CCDC126: variants seen among roughly 807,000 people sequenced by gnomAD.
CCDC126 encodes the protein coiled-coil domain-containing protein 126.
In CCDC126, 5 loss-of-function variants were observed where a neutral mutation model predicts 11.7. That is an observed-to-expected ratio of 0.43 (90% confidence interval 0.22 to 0.90). CCDC126 has a LOEUF of 0.90. Among genes scored for constraint, CCDC126 ranks in the 40% least tolerant of loss-of-function variants. The pLI, the probability that CCDC126 is intolerant of heterozygous loss-of-function variation, is 0.27. For synonymous variants in CCDC126, 60 were observed against 61.9 expected (o/e 0.97, Z 0.14); for missense variants, 150 against 163.1 (o/e 0.92, Z 0.44).
At chr7:23,636,478 A>C in intron 3 of CCDC126, among the ~76,000 whole-genome samples, 8 of 114,088 alleles carry the variant, frequency 7.0e-5, no homozygotes, top group South Asian at 6.2e-4. Context: ...CCGGCCGCCC[A>C]TCGTCTGAGA....
At chr7:23,635,139 G>T (rs1783186882) in intron 3 of CCDC126, among the ~76,000 whole-genome samples, 1 of 152,168 alleles carries the variant, frequency 6.6e-6, no homozygotes, top group South Asian at 2.1e-4. Flanking sequence ...CCTTAAAGTG[G>T]TTTATTTTCT....
rs1397529340 is a variant in CCDC126 at position 23,612,496 on chromosome 7, A to AC, written c.238+943_238+944insC. ...TCTCAAAAAAAAAAAAAAAAAAAAA[A>AC]AAAAACAAAGAAAAAAGAAAAAAAA... On this transcript the variant is annotated intron_variant, in intron 3 of 3. Coordinates refer to ENST00000307471, the MANE Select transcript of CCDC126 (RefSeq NM_138771.4). Among the ~76,000 whole-genome samples the AC allele has an allele frequency of 8.6e-5, 12 of 139,032 alleles. No individual in the cohort carries two copies. The South Asian group carries it at 8.8e-4, about 10-fold the overall frequency. 91.2% of individuals were successfully genotyped at this position (139,032 alleles called of 152,430 possible). A position where few individuals can be genotyped will look rare whatever the true frequency, so the allele number is the denominator to read the frequency against.
chr7:23,640,042 GTGTGGTGGTGCATGCT>G (rs923061344), intron 3 of CCDC126, among the ~76,000 whole-genome samples: 12 of 151,868 alleles, frequency 7.9e-5, no homozygotes, highest in African/African-American at 2.9e-4. Context: ...AATTAGCTGG[GTGTGGTGGTGCATGCT>G]TGTAATCCCA....
At chr7:23,600,859 T>C (rs188868076) in intron 2 of CCDC126, among the ~76,000 whole-genome samples, 1 of 152,214 alleles carries the variant, frequency 6.6e-6, no homozygotes, top group Admixed American at 6.5e-5. Flanking sequence ...GAGTGTGAAA[T>C]GCAGTATTTT....
chr7:23,627,580 AAAG>A (rs1406692531), intron 3 of CCDC126, among the ~76,000 whole-genome samples: 43 of 151,768 alleles, frequency 2.8e-4, no homozygotes, highest in African/African-American at 1.0e-3. Flanking sequence ...AAAAAAAAAA[AAAG>A]AAAGACTGTA....
intron 3 of CCDC126, 107 bp downstream of exon 3, chr7:23,611,660 T>C: frequency 2.7e-6 from 2 of 746,216 alleles, no homozygotes; most frequent in East Asian, 2.5e-5. Flanking sequence ...AGTAATTTTT[T>C]CTTGACTTTT....
intron 3 of CCDC126, among the ~76,000 whole-genome samples, chr7:23,642,414 C>G (rs73077168): frequency 0.094 from 14,367 of 152,080 alleles, 813 homozygotes; most frequent in East Asian, 0.15. Flanking sequence ...GAGAGTTTCC[C>G]CCACATTTAC....
At chr7:23,608,159 CCT>C (rs1217925960) in intron 2 of CCDC126, among the ~76,000 whole-genome samples, 1 of 152,136 alleles carries the variant, frequency 6.6e-6, no homozygotes, top group Non-Finnish European at 1.5e-5. Context: ...AGTTTTCAGC[CCT>C]CTGATGTCAA....
chr7:23,600,321 T>C (rs1782515404), intron 2 of CCDC126, among the ~76,000 whole-genome samples: 1 of 150,924 alleles, frequency 6.6e-6, no homozygotes, highest in African/African-American at 2.4e-5. Context: ...CTCAAGGCAG[T>C]GCATTTTAAA....
At chr7:23,626,801 C>G (rs563987737) in intron 3 of CCDC126, among the ~76,000 whole-genome samples, 1 of 152,196 alleles carries the variant, frequency 6.6e-6, no homozygotes, top group Non-Finnish European at 1.5e-5. Context: ...TTTAAAAATG[C>G]TAGTCTATAA....
chr7:23,641,814 G>A (rs1284233499), intron 3 of CCDC126, among the ~76,000 whole-genome samples: 3 of 152,196 alleles, frequency 2.0e-5, no homozygotes, highest in African/African-American at 7.2e-5. Context: ...TTAGAAGATA[G>A]TCTTCCCCAC....
intron 3 of CCDC126, among the ~76,000 whole-genome samples, chr7:23,640,191 T>A (rs192826201): frequency 7.0e-4 from 96 of 136,578 alleles, no homozygotes; most frequent in African/African-American, 2.2e-3. Context: ...TCAAAAAAAA[T>A]AATAATAATA....
At chr7:23,598,932 C>G (rs543891785) in intron 2 of CCDC126, among the ~76,000 whole-genome samples, 27 of 152,254 alleles carry the variant, frequency 1.8e-4, no homozygotes, top group African/African-American at 6.0e-4. Context: ...CTAGCTCAGA[C>G]TTTCAATGAT....
At chr7:23,630,131 T>G (rs941117855) in intron 3 of CCDC126, among the ~76,000 whole-genome samples, 1 of 152,254 alleles carries the variant, frequency 6.6e-6, no homozygotes, top group Non-Finnish European at 1.5e-5. Context: ...TATTGACATA[T>G]GCAGAATGCT....
At position 23,606,809 on chromosome 7, in the gene CCDC126, T is replaced by C. The variant is rs116773468; in HGVS notation, c.-145-4362T>C. Among the ~76,000 whole-genome samples the C allele has an allele frequency of 1.3e-3, 202 of 152,180 alleles. 1 individual carries two copies. The highest frequency in any genetic ancestry group is 4.8e-3 in the African/African-American group (199 of 41,512). On this transcript the variant is annotated intron_variant, in intron 2 of 3. Coordinates refer to ENST00000307471, the MANE Select transcript of CCDC126 (RefSeq NM_138771.4). ...AAAACTCCAGACCAGGCACAGTGGC[T>C]CACACCTGCCATCCCTTTGGAAAGG... is the stretch of plus-strand genomic sequence containing the variant.
At chr7:23,612,513 GAA>G (rs1221336003) in intron 3 of CCDC126, among the ~76,000 whole-genome samples, 2 of 92,460 alleles carry the variant, frequency 2.2e-5, no homozygotes, top group Non-Finnish European at 4.8e-5. Flanking sequence ...AAAGAAAAAA[GAA>G]AAAAAAAATT....
intron 3 of CCDC126, among the ~76,000 whole-genome samples, chr7:23,636,074 C>G (rs1485883631): frequency 6.6e-6 from 1 of 151,834 alleles, no homozygotes; most frequent in East Asian, 1.9e-4. Context: ...CTGTGTTGGC[C>G]GGGCTGGTCT....
chr7:23,615,154 A>G (rs759594530), intron 3 of CCDC126, among the ~76,000 whole-genome samples: 10 of 152,226 alleles, frequency 6.6e-5, no homozygotes, highest in African/African-American at 1.2e-4. Context: ...ACCTTCATCA[A>G]TGATCTTAGC....
rs376859080 is a variant in CCDC126 at position 23,618,562 on chromosome 7, TA to T, written c.238+7012del. On this transcript the variant is annotated intron_variant, in intron 3 of 3. Coordinates refer to ENST00000307471, the MANE Select transcript of CCDC126 (RefSeq NM_138771.4). ...AATTTTTTTTTTTTTTTTTTTTTTTTAAATTTGAGACAGAGTCTTGCTCTGT... is the reference window on the plus strand; with the variant it reads ...AATTTTTTTTTTTTTTTTTTTTTTTTAATTTGAGACAGAGTCTTGCTCTGT... Among the ~76,000 whole-genome samples, 166 of 66,162 alleles carry T rather than the reference TA, an allele frequency of 2.5e-3. 3 individuals carry two copies. The highest frequency in any genetic ancestry group is 3.0e-3 in the Non-Finnish European group (86 of 29,012). 43.4% of individuals were successfully genotyped at this position (66,162 alleles called of 152,430 possible). A position where few individuals can be genotyped will look rare whatever the true frequency, so the allele number is the denominator to read the frequency against.
Sources: allele counts gnomAD v4.1 joint callset (sites outside exome capture counted in the v4.1 genomes callset), GRCh38; gene constraint gnomAD v4.1.1; transcripts MANE v1.5; gene names NCBI Gene and HGNC (gene_info 2026-07-23, HGNC 2026-07-21).